Variants in MGAM observed in about 807,000 individuals in gnomAD.
The protein encoded by MGAM is maltase-glucoamylase, also known as alpha-1,4-glucosidase.
Under a neutral mutation model 358.8 loss-of-function variants are expected in MGAM, and 253 were observed. The observed-to-expected ratio is 0.71, with a 90% CI of 0.64 to 0.78. MGAM has a LOEUF of 0.78. MGAM is among the 30% of genes least tolerant of loss of function. The probability of loss-of-function intolerance (pLI) is 0.00; values close to 1 mark genes in which losing one functional copy is unlikely to be tolerated. For synonymous variants in MGAM, 1,105 were observed against 1,227.1 expected, an observed-to-expected ratio of 0.90 and a Z score of 2.08; for missense variants, 3,080 against 3,432.6, an observed-to-expected ratio of 0.90 and a Z score of 2.57.
rs147346547 is a variant in MGAM, at chr7:142,093,560, T to C, written c.7172+10T>C. On this transcript the variant is annotated intron_variant, in intron 60 of 70. Transcript: ENST00000475668. Reference sequence around the variant, plus strand: ...CCAGACCCACATACGAGTGAGTCTCTGTCTCCCTTCTCCAGCTGTCACAAC... The same window carrying C: ...CCAGACCCACATACGAGTGAGTCTCCGTCTCCCTTCTCCAGCTGTCACAAC... 5,069 of 1,496,062 alleles carry C rather than the reference T, an allele frequency of 3.4e-3. 326 individuals are homozygous for C. In the African/African-American group the frequency reaches 0.058, roughly 17 times the overall value. 92.7% of individuals were successfully genotyped at this position (1,496,062 alleles called of 1,614,324 possible).
intron 37 of MGAM, 42 bp from the exon 38 acceptor site, chr7:142,065,293 C>T (rs1448308432): frequency 6.3e-7 from 1 of 1,590,594 alleles, no homozygotes; most frequent in Admixed American, 1.8e-5. Context: ...CCTTTACTCC[C>T]TGGCTGTTGC....
chr7:142,099,394 A>G (rs796651549), intron 66 of MGAM, among the ~76,000 whole-genome samples: 5 of 152,226 alleles, frequency 3.3e-5, no homozygotes, highest in African/African-American at 4.8e-5. Context: ...TAGTTTGTAC[A>G]GTGGAAGCAA....
At chr7:142,045,655 C>A in intron 21 of MGAM, among the ~76,000 whole-genome samples, 1 of 98,464 alleles carries the variant, frequency 1.0e-5, no homozygotes, top group South Asian at 2.9e-4. Context: ...ATATTATATA[C>A]ATACAATATA....
chr7:142,039,103 C>CTTTTTTT (rs35054393), intron 19 of MGAM, among the ~76,000 whole-genome samples: 1 of 118,966 alleles, frequency 8.4e-6, no homozygotes. Context: ...TTGCCACACA[C>CTTTTTTT]TTTTTTTTTT....
intron 33 of MGAM, 36 bp from the exon 34 acceptor site, chr7:142,060,275 C>G (rs1812007442): frequency 6.2e-7 from 1 of 1,605,982 alleles, no homozygotes; most frequent in East Asian, 2.2e-5. Flanking sequence ...GGGAAATTGT[C>G]TAGTGCATCG....
At chr7:142,034,527 C>T in intron 15 of MGAM, 143 bp from the exon 16 acceptor site, 1 of 986,962 alleles carries the variant, frequency 1.0e-6, no homozygotes, top group Non-Finnish European at 1.5e-6. Flanking sequence ...AGAATGCTCC[C>T]AACAGGGACT....
intron 64 of MGAM, chr7:142,096,003 A>C (rs1308123354): frequency 1.7e-6 from 1 of 601,994 alleles, no homozygotes; most frequent in Non-Finnish European, 2.9e-6. Flanking sequence ...GTTTGGTTAT[A>C]TGTAGCCAGA....
chr7:142,032,360 T>C (rs1467844351), intron 13 of MGAM, among the ~76,000 whole-genome samples: 1 of 152,124 alleles, frequency 6.6e-6, no homozygotes, highest in African/African-American at 2.4e-5. Flanking sequence ...GTTAAAAAGA[T>C]AAAAGCAAAA....
chr7:142,005,478 T>C, intron 1 of MGAM, 51 bp from the exon 2 acceptor site: 1 of 1,317,276 alleles, frequency 7.6e-7, no homozygotes, highest in Non-Finnish European at 1.0e-6. Context: ...ATCTTACTAG[T>C]TATATAGTAA....
At position 142,081,943 on chromosome 7, in the gene MGAM, G is replaced by A. The variant is rs947902366; in HGVS notation, c.6003-99G>A. The A allele has an allele frequency of 3.3e-5, 41 of 1,223,890 alleles. 1 individual carries two copies. In the African/African-American group the frequency reaches 5.3e-4, roughly 16 times the overall value. 75.8% of individuals were successfully genotyped at this position (1,223,890 alleles called of 1,614,324 possible). On this transcript the variant is annotated intron_variant, in intron 50 of 70. Transcript: ENST00000475668. The stretch of plus-strand genomic sequence containing the variant: ...TTTGTTTGGGAGATGAACAGCTTCT[G>A]GGTAGGAATCAAGTGTTCTGTTGTC...
Position 142,030,435 on chromosome 7 carries a change from G to C in MGAM, c.1295G>C (p.Gly432Ala), listed in dbSNP as rs1371928155. 6.2e-7 allele frequency: 1 copy of C among 1,613,432 alleles called. No homozygotes were observed. Among genetic ancestry groups the C allele is most frequent in the African/African-American group, 1.3e-5 (1 of 74,864 alleles). Residue 432 changes from glycine (G) to alanine (A), a missense_variant, in exon 11 of 71, where the codon GGC (glycine) becomes GCC (alanine). Coordinates refer to ENST00000475668, the MANE Select transcript of MGAM (RefSeq NM_001365693.1). The stretch of plus-strand genomic sequence containing the variant: ...ACTTATGATTCAGTGGATTTTAAAG[G>C]CTTCCCTGAATTTGTCAACGAGTTA... ...DFTYDSVDFKGFPEFVNELHN... is the reference protein window; with the variant it reads ...DFTYDSVDFKAFPEFVNELHN...
intron 42 of MGAM, 112 bp downstream of exon 42, chr7:142,067,537 T>C (rs1812869629): frequency 5.8e-6 from 5 of 867,780 alleles, no homozygotes; most frequent in Non-Finnish European, 8.9e-6. Flanking sequence ...TTTCTTATTC[T>C]ACCTGTGTCT....
chr7:142,098,755 C>T (rs1816174466), intron 66 of MGAM, among the ~76,000 whole-genome samples: 1 of 152,112 alleles, frequency 6.6e-6, no homozygotes, highest in African/African-American at 2.4e-5. Context: ...CATGTTGAGT[C>T]TCCCATTCAC....
intron 44 of MGAM, among the ~76,000 whole-genome samples, chr7:142,072,863 C>T (rs537279908): frequency 6.8e-5 from 10 of 146,610 alleles, no homozygotes; most frequent in African/African-American, 2.4e-4. Context: ...TTTAACCTTG[C>T]TGTGGGAATT....
rs142491737 is a variant in MGAM at position 142,016,856 on chromosome 7, G to A, written c.328-2343G>A. Among the ~76,000 whole-genome samples, 555 of 152,240 alleles carry A rather than the reference G, an allele frequency of 3.6e-3. 5 individuals carry two copies. Among genetic ancestry groups the A allele is most frequent in the African/African-American group, 0.012 (511 of 41,534 alleles). ...GATCTGCCTGCCTCCCAAAGTGCTG[G>A]GATTACAGGCGAGAGCCACTGCACC... On this transcript the variant is annotated intron_variant, in intron 3 of 70. Coordinates refer to ENST00000475668, the MANE Select transcript of MGAM (RefSeq NM_001365693.1).
chr7:142,042,966 C>A (rs1260541376), intron 21 of MGAM, among the ~76,000 whole-genome samples: 8 of 59,998 alleles, frequency 1.3e-4, no homozygotes, highest in South Asian at 6.8e-4. Context: ...CATATAATAT[C>A]TAAATATAAT....
chr7:142,038,486 T>C (rs769711544), intron 18 of MGAM, 45 bp from the exon 19 acceptor site: 3 of 1,436,302 alleles, frequency 2.1e-6, no homozygotes, highest in Non-Finnish European at 2.9e-6. Context: ...ACAAATCTCA[T>C]TGGCAGTGGC....
intron 43 of MGAM, 49 bp downstream of exon 43, chr7:142,068,752 CA>C: frequency 7.3e-7 from 1 of 1,377,584 alleles, no homozygotes. Flanking sequence ...GTAGAGAGTA[CA>C]AAGGCTTTAG....
chr7:142,105,244 TTC>T (rs1816745312), intron 70 of MGAM, among the ~76,000 whole-genome samples: 1 of 152,106 alleles, frequency 6.6e-6, no homozygotes, highest in Non-Finnish European at 1.5e-5. Flanking sequence ...AAAGAGGGCA[TTC>T]TCTCCAGTTT....
Sources: gnomAD v4.1 joint callset for allele counts (sites outside exome capture counted in the v4.1 genomes callset) on GRCh38, gnomAD v4.1.1 for gene constraint, MANE v1.5 for transcripts, NCBI Gene and HGNC (gene_info 2026-07-23, HGNC 2026-07-21) for gene names.